METTL15: variants seen among roughly 807,000 people sequenced by gnomAD.
METTL15 encodes the protein 12S rRNA N(4)-cytidine methyltransferase METTL15.
METTL15 carries 34 observed loss-of-function variants against 38.3 expected under a neutral mutation model. That is an observed-to-expected ratio of 0.89 (90% CI 0.68 to 1.18). The LOEUF (loss-of-function observed/expected upper bound fraction) is 1.18. Ranked by LOEUF, METTL15 falls within the 50% of genes most tolerant of loss-of-function variation. METTL15 has a pLI of 0.00. For synonymous variants in METTL15, 162 were observed against 170.9 expected (o/e 0.95, Z 0.41); for missense variants, 438 against 498.4 (o/e 0.88, Z 1.15).
chr11:28,195,388 A>C (rs999592497), intron 3 of METTL15, among the ~76,000 whole-genome samples: 1 of 151,978 alleles, frequency 6.6e-6, no homozygotes, highest in Non-Finnish European at 1.5e-5. Flanking sequence ...TTGTTTTTTG[A>C]CTTTATAATA....
In METTL15 at chr11:28,193,972, G is replaced by T. The variant is rs150507320; in HGVS notation, c.271-17090G>T. Among the ~76,000 whole-genome samples, 317 of 151,532 alleles carry T rather than the reference G, an allele frequency of 2.1e-3. 1 individual carries two copies. Among genetic ancestry groups the T allele is most frequent in the African/African-American group, 7.1e-3 (295 of 41,316 alleles). ...CCTACTTGAATCTTTTTTTCTTAGGGTTATCTATTTTGTTCAAGGTTGCCC... is the reference window on the plus strand; with the variant it reads ...CCTACTTGAATCTTTTTTTCTTAGGTTTATCTATTTTGTTCAAGGTTGCCC... On this transcript the variant is annotated intron_variant, in intron 3 of 6. Coordinates refer to ENST00000407364, the MANE Select transcript of METTL15 (RefSeq NM_001113528.2).
At chr11:28,315,023 C>G (rs1857432306) in intron 6 of METTL15, among the ~76,000 whole-genome samples, 1 of 152,148 alleles carries the variant, frequency 6.6e-6, no homozygotes, top group Admixed American at 6.5e-5. Context: ...TCAGGTATGC[C>G]TTTATCTGCA....
intron 3 of METTL15, among the ~76,000 whole-genome samples, chr11:28,127,704 A>T (rs1852554699): frequency 6.6e-6 from 1 of 152,110 alleles, no homozygotes. Context: ...TTGCTATTTT[A>T]TGTAGAATAA....
chr11:28,417,416 A>G (rs1436957511), intron 5 of METTL15, among the ~76,000 whole-genome samples: 8 of 152,198 alleles, frequency 5.3e-5, no homozygotes, highest in African/African-American at 1.9e-4. Flanking sequence ...GTAATATTGG[A>G]TGGCAATTAT....
rs772105977 is a variant in METTL15 at position 28,435,603 on chromosome 11, G to A, written c.*424+11239G>A. 4.6e-5 allele frequency among the ~76,000 whole-genome samples: 7 copies of A among 152,306 alleles called. No individual in the cohort carries two copies. In the South Asian group the frequency reaches 1.2e-3, roughly 27 times the overall value. ...CTGCCTATAGAAAATTAGGGGCAGA[G>A]ATGTCTCTCTACAAGTGTGAGACAC... On this transcript the variant is annotated intron_variant and NMD_transcript_variant, in intron 6 of 7. Transcript: ENST00000532947.
In METTL15 at chr11:28,390,357, T is replaced by A. The variant is rs1256759203; in HGVS notation, c.*358+28321T>A. 2.6e-5 allele frequency among the ~76,000 whole-genome samples: 4 copies of A among 151,694 alleles called. No homozygotes were observed. In the South Asian group the frequency reaches 8.4e-4, roughly 32 times the overall value. ...GGTTTTCTTCTAGGGTTTTTATGGT[T>A]TTAGGTCTAATATTTAAGTCTTTAA... On this transcript the variant is annotated intron_variant and NMD_transcript_variant, in intron 5 of 7. Transcript: ENST00000532947.
At chr11:28,497,701 C>G (rs1208294302) in intron 6 of METTL15, among the ~76,000 whole-genome samples, 1 of 152,150 alleles carries the variant, frequency 6.6e-6, no homozygotes, top group Non-Finnish European at 1.5e-5. Flanking sequence ...CTAGAGCAGA[C>G]AGACAATGTG....
intron 3 of METTL15, chr11:28,197,499 G>A (rs1851952983): frequency 2.2e-6 from 1 of 452,186 alleles, no homozygotes; most frequent in Admixed American, 2.4e-5. Context: ...ATGTGGACTA[G>A]GATGGTGTAT....
chr11:28,258,621 C>T (rs1011075409), intron 4 of METTL15, among the ~76,000 whole-genome samples: 2 of 152,178 alleles, frequency 1.3e-5, no homozygotes, highest in Non-Finnish European at 2.9e-5. Flanking sequence ...TCTCCCCTTT[C>T]CAAAGGCAGA....
intron 5 of METTL15, among the ~76,000 whole-genome samples, chr11:28,401,874 G>T (rs932640370): frequency 6.6e-6 from 1 of 151,862 alleles, no homozygotes; most frequent in African/African-American, 2.4e-5. Context: ...TGTAATTCAA[G>T]GTCCCTATGA....
At chr11:28,114,677 C>G (rs1851866756) in intron 3 of METTL15, among the ~76,000 whole-genome samples, 1 of 152,176 alleles carries the variant, frequency 6.6e-6, no homozygotes, top group Admixed American at 6.5e-5. Flanking sequence ...TCATGAACTC[C>G]TGACCTCAGG....
At chr11:28,306,373 A>G (rs6484366) in intron 6 of METTL15, among the ~76,000 whole-genome samples, 70,488 of 151,878 alleles carry the variant, frequency 0.46, 17,900 homozygotes, top group Admixed American at 0.56. Flanking sequence ...CTTGTTAAAA[A>G]TGAAGAAAGA....
rs770047022 is a variant in METTL15, at chr11:28,467,928, G to A, written c.*424+43564G>A. ...CCCTTCCAAAATATATTTATTTGTC[G>A]CACTTCCCCATTCTAAATAAATCAA... On this transcript the variant is annotated intron_variant and NMD_transcript_variant, in intron 6 of 7. Coordinates refer to the METTL15 transcript ENST00000532947. Among the ~76,000 whole-genome samples, 20 of 152,180 alleles carry A rather than the reference G, an allele frequency of 1.3e-4. No homozygotes were observed. The East Asian group carries it at 2.7e-3, about 21-fold the overall frequency.
At chr11:28,185,018 T>C (rs1033913002) in intron 3 of METTL15, among the ~76,000 whole-genome samples, 5 of 151,526 alleles carry the variant, frequency 3.3e-5, no homozygotes, top group African/African-American at 9.7e-5. Context: ...ATGTGTTGAA[T>C]GTTAACATAT....
Position 28,383,863 on chromosome 11 carries a change from A to G in METTL15, c.*358+21827A>G, listed in dbSNP as rs191707414. The stretch of plus-strand genomic sequence containing the variant: ...GGATGCACATGGAGGTTTGTTAGAT[A>G]GGTAAACTCATGTCATGGGGATTGG... On this transcript the variant is annotated intron_variant and NMD_transcript_variant, in intron 5 of 7. Transcript: ENST00000532947. Among the ~76,000 whole-genome samples, 7 of 152,178 alleles carry G rather than the reference A, an allele frequency of 4.6e-5. No homozygotes were observed. The East Asian group carries it at 1.4e-3, about 29-fold the overall frequency.
Position 28,231,649 on chromosome 11 carries a change from A to G in METTL15, c.407+20451A>G, listed in dbSNP as rs536594308. 5.3e-5 allele frequency among the ~76,000 whole-genome samples: 8 copies of G among 151,990 alleles called. No homozygotes were observed. The South Asian group carries it at 1.2e-3, about 24-fold the overall frequency. On this transcript the variant is annotated intron_variant, in intron 4 of 6. Coordinates refer to ENST00000407364, the MANE Select transcript of METTL15 (RefSeq NM_001113528.2). ...TCCTTGAAATCTAAACTACTTTCAC[A>G]TTAGCTCACAATGTTGTGTCATACC...
At chr11:28,277,599 G>A (rs1855892850) in intron 4 of METTL15, among the ~76,000 whole-genome samples, 1 of 152,042 alleles carries the variant, frequency 6.6e-6, no homozygotes, top group Admixed American at 6.5e-5. Flanking sequence ...TTGGGAGGCT[G>A]AGGCAGGAGA....
chr11:28,162,810 G>T (rs1850514837), intron 3 of METTL15, among the ~76,000 whole-genome samples: 1 of 152,088 alleles, frequency 6.6e-6, no homozygotes, highest in African/African-American at 2.4e-5. Flanking sequence ...TGAATGTGAT[G>T]TGGGAGTGAA....
intron 3 of METTL15, among the ~76,000 whole-genome samples, chr11:28,133,355 A>G (rs975524578): frequency 2.0e-5 from 3 of 152,168 alleles, no homozygotes; most frequent in Admixed American, 6.6e-5. Flanking sequence ...AGACAATTTC[A>G]GGCTTACTGT....
Sources: gnomAD v4.1 joint callset for allele counts (sites outside exome capture counted in the v4.1 genomes callset) on GRCh38, gnomAD v4.1.1 for gene constraint, MANE v1.5 for transcripts, NCBI Gene and HGNC (gene_info 2026-07-23, HGNC 2026-07-21) for gene names.